TLR7: variants seen among roughly 807,000 people sequenced by gnomAD.
TLR7 encodes the protein toll like receptor 7.
TLR7 carries 12 observed loss-of-function variants against 38.3 expected under a neutral mutation model. The ratio of observed to expected loss-of-function variants is 0.31; its 90% confidence interval spans 0.20 to 0.51. The LOEUF (loss-of-function observed/expected upper bound fraction) is 0.51, where lower values mean the gene tolerates loss of function less well. Ranked by LOEUF, TLR7 falls within the 20% of genes least tolerant of loss-of-function variation. TLR7 has a pLI of 0.98. For missense variants in TLR7, 504 were observed against 743.4 expected (o/e 0.68, Z 3.74); for synonymous variants, 285 against 293.8 (o/e 0.97, Z 0.31).
In TLR7 at chrX:12,889,539, C is replaced by G. The variant is rs3853839; in HGVS notation, c.*881C>G. 25,903 of 112,689 alleles carry G rather than the reference C, an allele frequency of 0.23. 2,614 individuals carry two copies. Among genetic ancestry groups the G allele is most frequent in the East Asian group, 0.77 (2,825 of 3,647 alleles). 9.3% of individuals were successfully genotyped at this position (112,689 alleles called of 1,213,427 possible). On this transcript the variant is annotated 3_prime_UTR_variant, in exon 3 of 3. Coordinates refer to ENST00000380659, the MANE Select transcript of TLR7 (RefSeq NM_016562.4). Reference sequence around the variant, plus strand: ...TGCTTCAGTGCTTCCTGCTCTTTTTCCTTGGGCCTGCTTCTGGGTTCCATA... The same window carrying G: ...TGCTTCAGTGCTTCCTGCTCTTTTTGCTTGGGCCTGCTTCTGGGTTCCATA...
rs756150849 is a variant in TLR7 at position 12,876,503 on chromosome X, G to T, written c.3+8922G>T. On this transcript the variant is annotated intron_variant, in intron 2 of 2. Transcript: ENST00000380659. The stretch of plus-strand genomic sequence containing the variant: ...GTTTGAAATTGCCTGTCTGATCTCT[G>T]CTTCCTCATCAGTAAAATGAGAATA... 2.7e-5 allele frequency among the ~76,000 whole-genome samples: 3 copies of T among 112,077 alleles called. No homozygotes were observed. The East Asian group carries it at 8.3e-4, about 31-fold the overall frequency.
intron 2 of TLR7, 59 bp from the exon 3 acceptor site, chrX:12,885,453 T>C (rs2042906628): frequency 9.4e-7 from 1 of 1,058,315 alleles, no homozygotes; most frequent in Non-Finnish European, 1.3e-6. Context: ...AATGGGAATT[T>C]TTAATTCTGA....
Position 12,886,321 on chromosome X carries a change from G to A in TLR7, c.813G>A (p.Ala271=), listed in dbSNP as rs201564398. The A allele has an allele frequency of 8.8e-5, 107 of 1,209,912 alleles. No homozygotes were observed. Among genetic ancestry groups the A allele is most frequent in the South Asian group, 1.1e-4 (6 of 56,828 alleles). Residue 271 remains alanine (A), a synonymous_variant, in exon 3 of 3, where the codon GCG becomes GCA. Coordinates refer to ENST00000380659, the MANE Select transcript of TLR7 (RefSeq NM_016562.4). The part of the protein sequence containing the change: ...PRCYNAPFPC[A]PCKNNSPLQI... ...GTTATAATGCCCCATTTCCTTGTGC[G>A]CCGTGTAAAAATAATTCTCCCCTAC...
chrX:12,880,942 C>A (rs142136447), intron 2 of TLR7, among the ~76,000 whole-genome samples: 1,130 of 110,798 alleles, frequency 0.01, 19 homozygotes, highest in African/African-American at 0.035. Flanking sequence ...TAATAGAGGT[C>A]TAGGCTAGGC....
At chrX:12,878,723 C>T (rs909028411) in intron 2 of TLR7, among the ~76,000 whole-genome samples, 2 of 110,144 alleles carry the variant, frequency 1.8e-5, no homozygotes, top group Non-Finnish European at 3.8e-5. Context: ...TATGCTTTGT[C>T]GGTGCTCCCC....
chrX:12,882,134 G>A (rs568187910), intron 2 of TLR7, among the ~76,000 whole-genome samples: 2 of 111,730 alleles, frequency 1.8e-5, no homozygotes, highest in African/African-American at 3.3e-5. Flanking sequence ...GCTGATATGT[G>A]GTAAAGGAGG....
At chrX:12,874,019 T>C (rs1178197122) in intron 2 of TLR7, among the ~76,000 whole-genome samples, 1 of 112,638 alleles carries the variant, frequency 8.9e-6, no homozygotes, top group Non-Finnish European at 1.9e-5. Flanking sequence ...GCAAAATAGT[T>C]TTATCTAAAG....
Position 12,885,651 on chromosome X carries a change from T to C in TLR7, c.143T>C (p.Ile48Thr). The C allele has an allele frequency of 8.3e-7, 1 of 1,211,958 alleles. No homozygotes were observed. ...CTGGATGTTCCAAAGAACCATGTGA[T>C]CGTGGACTGCACAGACAAGCATTTG... is the stretch of plus-strand genomic sequence containing the variant. ...VTLDVPKNHVIVDCTDKHLTE... is the reference protein window; with the variant it reads ...VTLDVPKNHVTVDCTDKHLTE... The change falls in exon 3 of 3, where the codon ATC becomes ACC. Residue 48 changes from isoleucine to threonine, a missense_variant. By Grantham distance (89) the Ile-to-Thr change is moderately conservative (BLOSUM62 -1). Transcript: ENST00000380659.
chrX:12,884,798 C>T (rs2042904219), intron 2 of TLR7, among the ~76,000 whole-genome samples: 1 of 112,612 alleles, frequency 8.9e-6, no homozygotes, highest in Non-Finnish European at 1.9e-5. Flanking sequence ...ACTATCTCCT[C>T]TCCAAATTTA....
chrX:12,867,695 G>A, intron 2 of TLR7, 114 bp downstream of exon 2: 1 of 729,344 alleles, frequency 1.4e-6, no homozygotes, highest in East Asian at 3.3e-5. Context: ...ATTTGCTGGG[G>A]GAAAGTGCTT....
Position 12,886,732 on chromosome X carries a change from T to C in TLR7, c.1224T>C (p.Phe408=), listed in dbSNP as rs2042913285. ...NLEVLDLGTN[F]IKIANLSMFK... Reference sequence around the variant, plus strand: ...AAGTTCTTGATCTTGGCACTAACTTTATAAAAATTGCTAACCTCAGCATGT... The same window carrying C: ...AAGTTCTTGATCTTGGCACTAACTTCATAAAAATTGCTAACCTCAGCATGT... The change falls in exon 3 of 3, where the codon TTT becomes TTC. Residue 408 remains phenylalanine, a synonymous_variant. Transcript: ENST00000380659. The C allele has an allele frequency of 4.1e-6, 5 of 1,208,820 alleles. No individual in the cohort carries two copies. The Admixed American group carries it at 8.8e-5, about 21-fold the overall frequency.
chrX:12,869,577 A>G (rs965391979), intron 2 of TLR7, among the ~76,000 whole-genome samples: 16 of 110,469 alleles, frequency 1.4e-4, no homozygotes, highest in African/African-American at 4.0e-4. Flanking sequence ...ACACTCACTG[A>G]GGCCTGTAGG....
chrX:12,888,156 G>A lies in TLR7; in HGVS notation c.2648G>A (p.Arg883His), dbSNP rs201674409. The A allele has an allele frequency of 2.8e-5, 34 of 1,210,312 alleles. No homozygotes were observed. The highest frequency in any genetic ancestry group is 2.7e-4 in the East Asian group (9 of 33,811). Residue 883 changes from arginine to histidine, a missense_variant, in exon 3 of 3, where the codon CGT becomes CAT. Arg to His is a conservative substitution (Grantham distance 29, BLOSUM62 0). Coordinates refer to ENST00000380659, the MANE Select transcript of TLR7 (RefSeq NM_016562.4). Reference sequence around the variant, plus strand: ...AAGGCCAAGATAAAGGGGTATCAGCGTCTAATATCACCAGACTGTTGCTAT... The same window carrying A: ...AAGGCCAAGATAAAGGGGTATCAGCATCTAATATCACCAGACTGTTGCTAT... ...FCKAKIKGYQ[R>H]LISPDCCYDA...
intron 2 of TLR7, among the ~76,000 whole-genome samples, chrX:12,878,132 C>A (rs1184916841): frequency 8.9e-6 from 1 of 112,148 alleles, no homozygotes; most frequent in Non-Finnish European, 1.9e-5. Flanking sequence ...ACCTAGGTCT[C>A]ACCTCAGCAT....
At chrX:12,884,398 G>T (rs990078340) in intron 2 of TLR7, among the ~76,000 whole-genome samples, 1 of 112,230 alleles carries the variant, frequency 8.9e-6, no homozygotes, top group Non-Finnish European at 1.9e-5. Flanking sequence ...ACCACTCCAT[G>T]CGTAAGTACT....
intron 2 of TLR7, among the ~76,000 whole-genome samples, chrX:12,873,701 A>G (rs929848844): frequency 1.8e-5 from 2 of 112,213 alleles, no homozygotes; most frequent in Non-Finnish European, 3.8e-5. Context: ...TTGCTATTAA[A>G]GGTTTCTTGT....
chrX:12,888,779 T>C lies in TLR7; in HGVS notation c.*121T>C. The C allele has an allele frequency of 2.4e-6, 2 of 830,387 alleles. No homozygotes were observed. Among genetic ancestry groups the C allele is most frequent in the Non-Finnish European group, 3.3e-6 (2 of 600,901 alleles). 68.4% of individuals were successfully genotyped at this position (830,387 alleles called of 1,213,427 possible). A position where few individuals can be genotyped will look rare whatever the true frequency, so the allele number is the denominator to read the frequency against. On this transcript the variant is annotated 3_prime_UTR_variant, in exon 3 of 3. Coordinates refer to ENST00000380659, the MANE Select transcript of TLR7 (RefSeq NM_016562.4). ...ATTCTTCAAGAAATGAGATTGCCCA[T>C]ATTTCAGGGGAGCCACCAACGTCTG...
Position 12,867,571 on chromosome X carries a change from G to A in TLR7, c.-8G>A, listed in dbSNP as rs201834636. Reference sequence around the variant, plus strand: ...ACCTCTACATTCCATTTTGGAAGAAGACTAAAAATGGTAAGAACAGCTCAG... The same window carrying A: ...ACCTCTACATTCCATTTTGGAAGAAAACTAAAAATGGTAAGAACAGCTCAG... On this transcript the variant is annotated 5_prime_UTR_variant, in exon 2 of 3. Coordinates refer to ENST00000380659, the MANE Select transcript of TLR7 (RefSeq NM_016562.4). The A allele has an allele frequency of 3.8e-4, 464 of 1,206,940 alleles. No homozygotes were observed. The highest frequency in any genetic ancestry group is 4.9e-4 in the Non-Finnish European group (439 of 892,776).
intron 2 of TLR7, among the ~76,000 whole-genome samples, chrX:12,875,560 C>T (rs977396674): frequency 8.9e-6 from 1 of 112,013 alleles, no homozygotes; most frequent in African/African-American, 3.2e-5. Context: ...ATAATCCCCA[C>T]GTGTTGTGGG....
Sources: allele counts gnomAD v4.1 joint callset (sites outside exome capture counted in the v4.1 genomes callset), GRCh38; gene constraint gnomAD v4.1.1; transcripts MANE v1.5; gene names NCBI Gene and HGNC (gene_info 2026-07-23, HGNC 2026-07-21).